Variants in GZMM observed in about 807,000 individuals in gnomAD.
The protein encoded by GZMM is granzyme M.
In GZMM, 23 loss-of-function variants were observed where a neutral mutation model predicts 19.2. That is an observed-to-expected ratio of 1.20 (90% CI 0.86 to 1.69). The LOEUF (loss-of-function observed/expected upper bound fraction) is 1.69, where lower values mean the gene tolerates loss of function less well. Among genes scored for constraint, GZMM ranks in the 40% most tolerant of loss-of-function variants. GZMM has a pLI of 0.00. For missense variants in GZMM, 373 were observed against 352.2 expected, an observed-to-expected ratio of 1.06 and a Z score of -0.47; for synonymous variants, 178 against 160.2, an observed-to-expected ratio of 1.11 and a Z score of -0.84.
rs377563439 is a variant in GZMM, at chr19:549,149, C to G, written c.576C>G (p.Cys192Trp). The change falls in exon 4 of 5, where the codon TGC becomes TGG. Residue 192 changes from cysteine to tryptophan, a missense_variant. Transcript: ENST00000264553. ...GCAGCCTCTCCCCCAGCATGGTCTG[C>G]CTGGCGGCCGACTCCAAGGACCAGG... ...WNGSLSPSMV[C>W]LAADSKDQAP... 17 of 1,578,288 alleles carry G rather than the reference C, an allele frequency of 1.1e-5. No homozygotes were observed. Among genetic ancestry groups the G allele is most frequent in the Non-Finnish European group, 1.5e-5 (17 of 1,163,016 alleles).
At chr19:545,234 A>AG (rs1452000164) in intron 1 of GZMM, among the ~76,000 whole-genome samples, 1 of 147,348 alleles carries the variant, frequency 6.8e-6, no homozygotes, top group Non-Finnish European at 1.5e-5. Flanking sequence ...GGAAACACGG[A>AG]GGGCAAGAGG....
intron 1 of GZMM, among the ~76,000 whole-genome samples, chr19:546,820 A>G (rs113072433): frequency 0.25 from 38,249 of 151,136 alleles, 5,816 homozygotes; most frequent in South Asian, 0.45. Context: ...CCTGGGTGAC[A>G]GAGCGAGACT....
chr19:548,846 TCCC>T, intron 3 of GZMM, 73 bp from the exon 4 acceptor site: 1 of 297,504 alleles, frequency 3.4e-6, no homozygotes, highest in Non-Finnish European at 6.1e-6. Context: ...CTGCCACCCC[TCCC>T]CCCGCTGCCG....
Position 547,353 on chromosome 19 carries a change from G to C in GZMM, c.129G>C (p.Leu43=). 6.3e-7 allele frequency: 1 copy of C among 1,576,184 alleles called. No individual in the cohort carries two copies. The highest frequency in any genetic ancestry group is 8.6e-7 in the Non-Finnish European group (1 of 1,162,960). The part of the protein sequence containing the change: ...IPHSRPYMAS[L]QRNGSHLCGG... Reference sequence around the variant, plus strand: ...ACTCGCGCCCGTACATGGCCTCACTGCAGAGAAATGGCTCCCACCTGTGCG... The same window carrying C: ...ACTCGCGCCCGTACATGGCCTCACTCCAGAGAAATGGCTCCCACCTGTGCG... The change falls in exon 2 of 5, where the codon CTG becomes CTC. Residue 43 remains leucine (L), a synonymous_variant. Transcript: ENST00000264553.
chr19:547,121 C>T (rs1177592120), intron 1 of GZMM, among the ~76,000 whole-genome samples, 159 bp from the exon 2 acceptor site: 1 of 151,862 alleles, frequency 6.6e-6, no homozygotes, highest in Non-Finnish European at 1.5e-5. Flanking sequence ...TGAAGGGCAG[C>T]CCACACGTAT....
chr19:547,251 A>G (rs772230082), intron 1 of GZMM, 29 bp from the exon 2 acceptor site: 4 of 1,483,844 alleles, frequency 2.7e-6, no homozygotes, highest in East Asian at 2.6e-5. Flanking sequence ...TGTAGCCCCA[A>G]CCTGGCTCTT....
In GZMM at chr19:549,802, T is replaced by C. The variant is rs1235423173; in HGVS notation, c.*11T>C. On this transcript the variant is annotated 3_prime_UTR_variant, in exon 5 of 5. Coordinates refer to ENST00000264553, the MANE Select transcript of GZMM (RefSeq NM_005317.4). ...GGCCGATCGGCCTGATGCCCTGGGG[T>C]GATGGGGACCCCCTCGCTGTCTCCA... 1 of 1,606,026 alleles carries C rather than the reference T, an allele frequency of 6.2e-7. No individual in the cohort carries two copies. Among genetic ancestry groups the C allele is most frequent in the East Asian group, 2.2e-5 (1 of 44,686 alleles).
intron 1 of GZMM, among the ~76,000 whole-genome samples, chr19:545,632 C>T (rs1189639456): frequency 6.6e-6 from 1 of 151,548 alleles, no homozygotes; most frequent in East Asian, 1.9e-4. Context: ...CAGGCGTGAG[C>T]CACCGCGCCC....
At chr19:547,870 G>C (rs1284763279) in intron 2 of GZMM, among the ~76,000 whole-genome samples, 1 of 152,184 alleles carries the variant, frequency 6.6e-6, no homozygotes, top group East Asian at 1.9e-4. Flanking sequence ...CTGGTTCCCG[G>C]GGATCAGGAA....
chr19:547,338 G>C lies in GZMM; in HGVS notation c.114G>C (p.Pro38=). The C allele has an allele frequency of 1.3e-6, 2 of 1,578,976 alleles. No homozygotes were observed. The highest frequency in any genetic ancestry group is 1.7e-6 in the Non-Finnish European group (2 of 1,164,170). ...GGREVIPHSR[P]YMASLQRNGS... ...GGGAGGTGATCCCCCACTCGCGCCC[G>C]TACATGGCCTCACTGCAGAGAAATG... is the stretch of plus-strand genomic sequence containing the variant. Residue 38 remains proline (P), a synonymous_variant, in exon 2 of 5, where the codon CCG becomes CCC. Coordinates refer to ENST00000264553, the MANE Select transcript of GZMM (RefSeq NM_005317.4).
At chr19:546,680 A>C (rs1350676167) in intron 1 of GZMM, among the ~76,000 whole-genome samples, 1 of 151,406 alleles carries the variant, frequency 6.6e-6, no homozygotes, top group Non-Finnish European at 1.5e-5. Context: ...TGTACTAAAA[A>C]TACAAAAATT....
chr19:548,379 G>A (rs1261497071), intron 2 of GZMM, among the ~76,000 whole-genome samples, 163 bp from the exon 3 acceptor site: 1 of 152,142 alleles, frequency 6.6e-6, no homozygotes, highest in Non-Finnish European at 1.5e-5. Flanking sequence ...TGGAGGAGGT[G>A]GGTTGCAAAG....
intron 1 of GZMM, 114 bp downstream of exon 1, chr19:544,240 A>G: frequency 2.3e-6 from 2 of 874,240 alleles, no homozygotes; most frequent in South Asian, 1.5e-5. Context: ...GCGGAGATTC[A>G]TCCTTGTTTG....
In GZMM at chr19:549,723, CCT is replaced by C. The variant is rs772860823; in HGVS notation, c.708_709del (p.Pro237ArgfsTer?). On this transcript the variant is annotated frameshift_variant, in exon 5 of 5. Transcript: ENST00000264553. LOFTEE classifies it low-confidence loss of function (END_TRUNC). ...CAGGGTCTGCACTGACATCTTCAAG[CCT>C]CCCGTGGCCACCGCTGTGGCGCCTT... ...SSRVCTDIFK[P>X]PVATAVAPYV... 4 of 1,613,602 alleles carry C rather than the reference CCT, an allele frequency of 2.5e-6. No homozygotes were observed. Among genetic ancestry groups the C allele is most frequent in the South Asian group, 2.2e-5 (2 of 91,080 alleles).
chr19:545,099 A>ATCCCTCCTTCCCCCCTCCCTTTG (rs1568334505), intron 1 of GZMM, among the ~76,000 whole-genome samples: 2 of 141,242 alleles, frequency 1.4e-5, no homozygotes, highest in African/African-American at 2.7e-5. Context: ...TCCTCCTTCC[A>ATCCCTCCTTCCCCCCTCCCTTTG]TCCCTCCTTC....
chr19:544,179 G>T (rs1458744434), intron 1 of GZMM, 53 bp downstream of exon 1: 4 of 1,477,268 alleles, frequency 2.7e-6, no homozygotes, highest in African/African-American at 2.8e-5. Context: ...GCTCTCGGTG[G>T]GTCCCTGGAT....
intron 1 of GZMM, among the ~76,000 whole-genome samples, chr19:544,796 A>T (rs115345347): frequency 0.12 from 12,194 of 105,306 alleles, 708 homozygotes; most frequent in Middle Eastern, 0.23. Context: ...CCATTCTTCC[A>T]CCCACCCATC....
chr19:544,254 G>A (rs1980171849), intron 1 of GZMM, 128 bp downstream of exon 1: 3 of 777,942 alleles, frequency 3.9e-6, no homozygotes, highest in East Asian at 2.7e-5. Flanking sequence ...TTGTTTGGAG[G>A]GGGACTGAGG....
Position 544,168 on chromosome 19 carries a change from C to T in GZMM, c.55+42C>T, listed in dbSNP as rs751076520. 27 of 1,503,508 alleles carry T rather than the reference C, an allele frequency of 1.8e-5. No individual in the cohort carries two copies. The South Asian group carries it at 1.9e-4, about 11-fold the overall frequency. 93.1% of individuals were successfully genotyped at this position (1,503,508 alleles called of 1,614,324 possible). On this transcript the variant is annotated intron_variant, in intron 1 of 4. Coordinates refer to ENST00000264553, the MANE Select transcript of GZMM (RefSeq NM_005317.4). ...ATGCAGGGGGGACACTGAGGCCCAGCGCTCTCGGTGGGTCCCTGGATGGGA... is the reference window on the plus strand; with the variant it reads ...ATGCAGGGGGGACACTGAGGCCCAGTGCTCTCGGTGGGTCCCTGGATGGGA...
Sources: allele counts gnomAD v4.1 joint callset (sites outside exome capture counted in the v4.1 genomes callset), GRCh38; gene constraint gnomAD v4.1.1; transcripts MANE v1.5; gene names NCBI Gene and HGNC (gene_info 2026-07-23, HGNC 2026-07-21).